The following INPP4A variants were observed in gnomAD, a reference collection of about 807,000 sequenced individuals.
INPP4A encodes inositol polyphosphate-4-phosphatase type I A.
In INPP4A, 33 loss-of-function variants were observed where a neutral mutation model predicts 119.8. The ratio of observed to expected loss-of-function variants is 0.28; its 90% CI spans 0.21 to 0.37. INPP4A has a LOEUF of 0.37. INPP4A is among the 10% of genes least tolerant of loss of function. INPP4A has a pLI of 1.00. For synonymous variants in INPP4A, 496 were observed against 500.7 expected, an observed-to-expected ratio of 0.99 and a Z score of 0.12; for missense variants, 956 against 1,289.9, an observed-to-expected ratio of 0.74 and a Z score of 3.97.
intron 1 of INPP4A, among the ~76,000 whole-genome samples, chr2:98,445,732 A>T (rs1391881660): frequency 6.6e-6 from 1 of 152,082 alleles, no homozygotes; most frequent in African/African-American, 2.4e-5. Flanking sequence ...GAAGGAAGGG[A>T]ATGTTGATGG....
chr2:98,499,880 G>T (rs560131745), intron 1 of INPP4A, among the ~76,000 whole-genome samples: 1 of 152,176 alleles, frequency 6.6e-6, no homozygotes, highest in African/African-American at 2.4e-5. Context: ...GTAGGGGAGG[G>T]TGCAAGTGTC....
At chr2:98,581,788 A>T in intron 24 of INPP4A, 1 of 1,594,842 alleles carries the variant, frequency 6.3e-7, no homozygotes, top group Non-Finnish European at 8.5e-7. Context: ...AAGTCACAAG[A>T]AAAACAAAAG....
At chr2:98,509,930 GAA>G (rs1317379062) in intron 1 of INPP4A, among the ~76,000 whole-genome samples, 1 of 152,212 alleles carries the variant, frequency 6.6e-6, no homozygotes, top group Non-Finnish European at 1.5e-5. Context: ...GGACATAAAA[GAA>G]GTGAGGGAAT....
At chr2:98,577,394 C>T (rs1037342956) in intron 24 of INPP4A, among the ~76,000 whole-genome samples, 5 of 152,246 alleles carry the variant, frequency 3.3e-5, no homozygotes, top group African/African-American at 1.2e-4. Context: ...AACTGGTAGA[C>T]TGGTGGGCAA....
At position 98,576,332 on chromosome 2, in the gene INPP4A, C is replaced by T. The variant is rs77801068; in HGVS notation, c.2632-657C>T. Among the ~76,000 whole-genome samples, 1,289 of 152,226 alleles carry T rather than the reference C, an allele frequency of 8.5e-3. 23 individuals carry two copies. The highest frequency in any genetic ancestry group is 0.03 in the African/African-American group (1,243 of 41,520). ...GGCCTTTTCCCAGTCCAGAGGCTGC[C>T]CTGCCCCCTACTCTGTGAGCCATTC... On this transcript the variant is annotated intron_variant, in intron 23 of 24. Transcript: ENST00000409851.
Position 98,588,882 on chromosome 2 carries a change from G to T in INPP4A, c.*1274G>T. The T allele has an allele frequency of 4.8e-6, 1 of 207,694 alleles. No individual in the cohort carries two copies. The allele number at this position is 207,694 out of a possible 1,614,324, so 12.9% of individuals were successfully genotyped here. A position where few individuals can be genotyped will look rare whatever the true frequency, so the allele number is the denominator to read the frequency against. Reference sequence around the variant, plus strand: ...ACATATGGCACATATTAATGATGCTGATCCTAATGATTTGTGAACCTCTTA... The same window carrying T: ...ACATATGGCACATATTAATGATGCTTATCCTAATGATTTGTGAACCTCTTA... On this transcript the variant is annotated 3_prime_UTR_variant, in exon 25 of 25. Coordinates refer to ENST00000409851, the MANE Select transcript of INPP4A (RefSeq NM_001134225.2).
chr2:98,538,488 A>G (rs990168839), intron 8 of INPP4A, among the ~76,000 whole-genome samples: 1 of 152,176 alleles, frequency 6.6e-6, no homozygotes, highest in Non-Finnish European at 1.5e-5. Context: ...CAGACACTCA[A>G]AGAAAAATTC....
chr2:98,453,933 C>G (rs538945177), intron 1 of INPP4A, among the ~76,000 whole-genome samples: 1 of 152,132 alleles, frequency 6.6e-6, no homozygotes, highest in Non-Finnish European at 1.5e-5. Context: ...GTAGTGAAAA[C>G]CCGTCTCTAC....
chr2:98,545,576 A>G (rs1166554247), intron 11 of INPP4A, among the ~76,000 whole-genome samples: 1 of 152,248 alleles, frequency 6.6e-6, no homozygotes, highest in Non-Finnish European at 1.5e-5. Flanking sequence ...GAGTCAGAAC[A>G]GGCAGTCTCT....
chr2:98,557,760 G>A (rs1190763987), intron 16 of INPP4A, among the ~76,000 whole-genome samples: 1 of 152,250 alleles, frequency 6.6e-6, no homozygotes, highest in African/African-American at 2.4e-5. Context: ...CCAAGGCCTT[G>A]TGGGGGACCC....
chr2:98,563,779 T>G, intron 18 of INPP4A, 142 bp downstream of exon 18: 1 of 810,664 alleles, frequency 1.2e-6, no homozygotes, highest in South Asian at 1.7e-5. Flanking sequence ...TTAAAGGTTA[T>G]TTAATAGAGA....
chr2:98,483,371 CTTGTGGTCAGAAACAGGTA>C (rs1282348020), intron 1 of INPP4A, among the ~76,000 whole-genome samples: 1 of 152,082 alleles, frequency 6.6e-6, no homozygotes, highest in Non-Finnish European at 1.5e-5. Context: ...TCTTGTGATG[CTTGTGGTCAGAAACAGGTA>C]TTTCTTGAAA....
Position 98,444,938 on chromosome 2 carries a change from G to A in INPP4A, c.-313G>A, listed in dbSNP as rs1223543121. 2.6e-5 allele frequency: 4 copies of A among 151,096 alleles called. No homozygotes were observed. Among genetic ancestry groups the A allele is most frequent in the African/African-American group, 7.3e-5 (3 of 41,246 alleles). The allele number at this position is 151,096 out of a possible 1,614,324, so 9.4% of individuals were successfully genotyped here. A position where few individuals can be genotyped will look rare whatever the true frequency, so the allele number is the denominator to read the frequency against. On this transcript the variant is annotated 5_prime_UTR_variant, in exon 1 of 25. Coordinates refer to ENST00000409851, the MANE Select transcript of INPP4A (RefSeq NM_001134225.2). ...GGTTTGCCGCCGGGTCGGGCTCCGTGGGCCGGGGCAGGAGGACCAGCACCT... is the reference window on the plus strand; with the variant it reads ...GGTTTGCCGCCGGGTCGGGCTCCGTAGGCCGGGGCAGGAGGACCAGCACCT...
chr2:98,552,225 A>G (rs1451638735), intron 13 of INPP4A, among the ~76,000 whole-genome samples: 2 of 152,092 alleles, frequency 1.3e-5, no homozygotes, highest in Non-Finnish European at 2.9e-5. Context: ...AGGAAACCCC[A>G]TTTTCTAGGG....
intron 16 of INPP4A, among the ~76,000 whole-genome samples, chr2:98,557,400 G>A (rs1483874235): frequency 6.6e-6 from 1 of 152,202 alleles, no homozygotes; most frequent in African/African-American, 2.4e-5. Context: ...CAGCCAGGAA[G>A]CTGTTCAGTC....
chr2:98,465,435 C>T (rs1674537285), intron 1 of INPP4A, among the ~76,000 whole-genome samples: 1 of 152,234 alleles, frequency 6.6e-6, no homozygotes, highest in Non-Finnish European at 1.5e-5. Flanking sequence ...CTAGGATAAT[C>T]TCATCTCAAG....
At chr2:98,451,479 T>C (rs952237962) in intron 1 of INPP4A, among the ~76,000 whole-genome samples, 3 of 152,174 alleles carry the variant, frequency 2.0e-5, no homozygotes, top group Non-Finnish European at 4.4e-5. Flanking sequence ...CGCTGCCAGC[T>C]CCGGTCCTGG....
chr2:98,582,210 C>T (rs994218621), intron 24 of INPP4A, among the ~76,000 whole-genome samples: 1 of 152,184 alleles, frequency 6.6e-6, no homozygotes, highest in Non-Finnish European at 1.5e-5. Flanking sequence ...AAGAAAAAAA[C>T]ATGCTTTATA....
rs1249218199 is a variant in INPP4A at position 98,593,832 on chromosome 2, C to G, written c.*6224C>G. On this transcript the variant is annotated 3_prime_UTR_variant, in exon 25 of 25. Coordinates refer to ENST00000409851, the MANE Select transcript of INPP4A (RefSeq NM_001134225.2). Reference sequence around the variant, plus strand: ...TCAGTCCCCTCGGATCTGGACCTCTCCTGAGCATCCTCACCCCTCCTGCAA... The same window carrying G: ...TCAGTCCCCTCGGATCTGGACCTCTGCTGAGCATCCTCACCCCTCCTGCAA... The G allele has an allele frequency of 7.6e-6, 1 of 132,124 alleles. No homozygotes were observed. The highest frequency in any genetic ancestry group is 2.8e-5 in the African/African-American group (1 of 35,958). The allele number at this position is 132,124 out of a possible 1,614,324, so 8.2% of individuals were successfully genotyped here. A position where few individuals can be genotyped will look rare whatever the true frequency, so the allele number is the denominator to read the frequency against.
Sources: allele counts gnomAD v4.1 joint callset (sites outside exome capture counted in the v4.1 genomes callset), GRCh38; gene constraint gnomAD v4.1.1; transcripts MANE v1.5; gene names NCBI Gene and HGNC (gene_info 2026-07-23, HGNC 2026-07-21).